Variants in LHFPL3 observed in about 807,000 individuals in gnomAD.
The protein encoded by LHFPL3 is LHFPL tetraspan subfamily member 3.
Under a neutral mutation model 19.3 loss-of-function variants are expected in LHFPL3, and 5 were observed. The observed-to-expected ratio is 0.26, with a 90% CI of 0.14 to 0.54. The LOEUF is 0.54. Ranked by LOEUF, LHFPL3 falls within the 20% of genes least tolerant of loss-of-function variation. LHFPL3 has a pLI of 0.94. For missense variants in LHFPL3, 249 were observed against 307.4 expected (o/e 0.81, Z 1.42); for synonymous variants, 133 against 126.2 (o/e 1.05, Z -0.36).
intron 1 of LHFPL3, among the ~76,000 whole-genome samples, chr7:104,570,146 G>A (rs1397252668): frequency 6.6e-6 from 1 of 152,124 alleles, no homozygotes; most frequent in Non-Finnish European, 1.5e-5. Flanking sequence ...GAAAATTGTG[G>A]GGTGGATGAA....
intron 2 of LHFPL3, among the ~76,000 whole-genome samples, chr7:104,746,514 T>C (rs1794050074): frequency 6.6e-6 from 1 of 152,188 alleles, no homozygotes; most frequent in Non-Finnish European, 1.5e-5. Flanking sequence ...ACCAGTTTGT[T>C]TTATTATAAT....
At chr7:104,666,725 T>A (rs1792360873) in intron 1 of LHFPL3, among the ~76,000 whole-genome samples, 1 of 151,108 alleles carries the variant, frequency 6.6e-6, no homozygotes, top group Admixed American at 6.6e-5. Context: ...GTTTCACCGT[T>A]TTTAGCCGGG....
At chr7:104,706,348 T>C (rs1205285381) in intron 1 of LHFPL3, among the ~76,000 whole-genome samples, 2 of 151,818 alleles carry the variant, frequency 1.3e-5, no homozygotes, top group African/African-American at 4.8e-5. Context: ...ACACTGACTA[T>C]ATGGTGTCTA....
intron 1 of LHFPL3, among the ~76,000 whole-genome samples, chr7:104,481,908 T>C (rs950159138): frequency 1.6e-4 from 24 of 152,212 alleles, no homozygotes; most frequent in African/African-American, 5.3e-4. Context: ...TACTGTGTGG[T>C]AACAGCTGTT....
intron 1 of LHFPL3, among the ~76,000 whole-genome samples, chr7:104,642,588 A>T (rs1461229923): frequency 6.6e-6 from 1 of 152,118 alleles, no homozygotes; most frequent in Non-Finnish European, 1.5e-5. Flanking sequence ...GAAGCTTCTC[A>T]CTTGGGAATT....
chr7:104,447,961 T>A (rs1792362894), intron 1 of LHFPL3, among the ~76,000 whole-genome samples: 1 of 152,132 alleles, frequency 6.6e-6, no homozygotes, highest in Non-Finnish European at 1.5e-5. Context: ...ATGTTGGCAA[T>A]TTCCTCTTTT....
chr7:104,795,555 C>T (rs1236309452), intron 2 of LHFPL3, among the ~76,000 whole-genome samples: 1 of 152,176 alleles, frequency 6.6e-6, no homozygotes, highest in African/African-American at 2.4e-5. Flanking sequence ...AGCAGACACA[C>T]GTTGTCTTTT....
chr7:104,501,032 T>G (rs1159114491), intron 1 of LHFPL3, among the ~76,000 whole-genome samples: 1 of 152,212 alleles, frequency 6.6e-6, no homozygotes, highest in Non-Finnish European at 1.5e-5. Flanking sequence ...TATTGCAACT[T>G]GGTATTTACC....
chr7:104,696,445 GGTGTGT>G (rs5886329), intron 1 of LHFPL3, among the ~76,000 whole-genome samples: 127,416 of 150,012 alleles, frequency 0.85, 54,303 homozygotes, highest in East Asian at 0.9. Context: ...AGTGTTACTA[GGTGTGT>G]GTGTGTGTGT....
intron 1 of LHFPL3, among the ~76,000 whole-genome samples, chr7:104,552,004 A>G (rs1220897519): frequency 1.3e-5 from 2 of 152,168 alleles, no homozygotes; most frequent in Non-Finnish European, 2.9e-5. Flanking sequence ...ACTACCTCAA[A>G]CCTTGTTGGC....
chr7:104,584,366 A>T (rs974596621), intron 1 of LHFPL3, among the ~76,000 whole-genome samples: 1 of 152,098 alleles, frequency 6.6e-6, no homozygotes, highest in Admixed American at 6.6e-5. Context: ...CTAAATGACG[A>T]CTTAATGGGT....
chr7:104,676,302 A>G (rs1792590858), intron 1 of LHFPL3, among the ~76,000 whole-genome samples: 1 of 152,222 alleles, frequency 6.6e-6, no homozygotes, highest in Admixed American at 6.5e-5. Context: ...GAAATAACTT[A>G]AAAATCTTTA....
intron 1 of LHFPL3, among the ~76,000 whole-genome samples, chr7:104,554,853 C>A (rs1293722246): frequency 6.6e-6 from 1 of 152,174 alleles, no homozygotes; most frequent in East Asian, 1.9e-4. Flanking sequence ...AACTCTCAGT[C>A]CAACCCTGAA....
At chr7:104,822,219 G>A (rs1790688812) in intron 2 of LHFPL3, among the ~76,000 whole-genome samples, 1 of 152,136 alleles carries the variant, frequency 6.6e-6, no homozygotes, top group South Asian at 2.1e-4. Context: ...CTTTCTCAAA[G>A]GTGGAAAACA....
intron 1 of LHFPL3, among the ~76,000 whole-genome samples, chr7:104,452,272 A>G (rs1792454716): frequency 6.6e-6 from 1 of 152,230 alleles, no homozygotes; most frequent in Non-Finnish European, 1.5e-5. Flanking sequence ...ATCATTTAAA[A>G]TATCTGTACT....
At chr7:104,861,230 C>T (rs940535028) in intron 2 of LHFPL3, among the ~76,000 whole-genome samples, 6 of 152,188 alleles carry the variant, frequency 3.9e-5, no homozygotes, top group South Asian at 2.1e-4. Context: ...CATTTTGCCC[C>T]CCTAAGAGGA....
chr7:104,723,536 A>T (rs1793525038), intron 1 of LHFPL3, among the ~76,000 whole-genome samples: 1 of 152,000 alleles, frequency 6.6e-6, no homozygotes, highest in African/African-American at 2.4e-5. Context: ...AGCCTGACCA[A>T]CATGGTGAAA....
chr7:104,789,634 C>T (rs74742986), intron 2 of LHFPL3, among the ~76,000 whole-genome samples: 96 of 152,214 alleles, frequency 6.3e-4, no homozygotes, highest in African/African-American at 2.3e-3. Flanking sequence ...TTTTACACTA[C>T]ATTTGTATGT....
chr7:104,451,891 T>A (rs1250066385), intron 1 of LHFPL3, among the ~76,000 whole-genome samples: 4 of 152,058 alleles, frequency 2.6e-5, no homozygotes, highest in Non-Finnish European at 5.9e-5. Context: ...GCTACAGGCA[T>A]GTGCCACCAT....
Sources: allele counts gnomAD v4.1 joint callset (sites outside exome capture counted in the v4.1 genomes callset), GRCh38; gene constraint gnomAD v4.1.1; transcripts MANE v1.5; gene names NCBI Gene and HGNC (gene_info 2026-07-23, HGNC 2026-07-21).